The following SLC30A5 variants were observed in gnomAD, a reference collection of about 807,000 sequenced individuals.
The protein encoded by SLC30A5 is solute carrier family 30 member 5.
SLC30A5 carries 33 observed loss-of-function variants against 79.6 expected under a neutral mutation model. The ratio of observed to expected loss-of-function variants is 0.41; its 90% confidence interval spans 0.31 to 0.55. The LOEUF is 0.55. SLC30A5 is among the 20% of genes least tolerant of loss of function. The pLI is 0.20. For synonymous variants in SLC30A5, 299 were observed against 319.7 expected (o/e 0.94, Z 0.69); for missense variants, 788 against 928.1 (o/e 0.85, Z 1.96).
intron 5 of SLC30A5, among the ~76,000 whole-genome samples, chr5:69,110,437 G>T (rs1746201848): frequency 6.6e-6 from 1 of 152,194 alleles, no homozygotes; most frequent in Non-Finnish European, 1.5e-5. Flanking sequence ...ATGCCAAGTA[G>T]AGCAGAGTAA....
chr5:69,117,327 C>T lies in SLC30A5; in HGVS notation c.1370C>T (p.Ser457Phe), dbSNP rs1410836253. The change falls in exon 11 of 16, where the codon TCT (serine) becomes TTT (phenylalanine). Residue 457 changes from serine (S) to phenylalanine (F), a missense_variant. Ser to Phe is a radical substitution (Grantham distance 155). Around this residue, in one of 3 missense-constraint regions of SLC30A5, gnomAD observed 626 missense variants for 755.5 expected, o/e 0.83. Transcript: ENST00000396591. The part of the protein sequence containing the change: ...SDGFHMLFDC[S>F]ALVMGLFAAL... ...GGATTCCACATGCTTTTTGACTGCT[C>T]TGCTTTAGTCATGGGACTTTTTGCT... 1 of 1,613,788 alleles carries T rather than the reference C, an allele frequency of 6.2e-7. No homozygotes were observed. The highest frequency in any genetic ancestry group is 1.3e-5 in the African/African-American group (1 of 74,848).
intron 1 of SLC30A5, among the ~76,000 whole-genome samples, chr5:69,097,395 G>A (rs1435664186): frequency 1.3e-5 from 2 of 152,116 alleles, no homozygotes; most frequent in Non-Finnish European, 2.9e-5. Flanking sequence ...GATTACAGGC[G>A]TGAGCCACTG....
chr5:69,122,745 A>G (rs1746570465), intron 13 of SLC30A5, among the ~76,000 whole-genome samples: 1 of 152,244 alleles, frequency 6.6e-6, no homozygotes, highest in Non-Finnish European at 1.5e-5. Flanking sequence ...ACAGCTGAAT[A>G]GATATTAGTT....
intron 8 of SLC30A5, 40 bp from the exon 9 acceptor site, chr5:69,115,886 T>C: frequency 6.7e-7 from 1 of 1,484,950 alleles, no homozygotes; most frequent in African/African-American, 1.4e-5. Context: ...GTGAACTTTA[T>C]ACATGTATAG....
intron 2 of SLC30A5, among the ~76,000 whole-genome samples, chr5:69,102,050 C>CTTTT (rs758327246): frequency 1.9e-4 from 19 of 99,384 alleles, no homozygotes; most frequent in Non-Finnish European, 2.5e-4. Flanking sequence ...CAGTGACGTG[C>CTTTT]TTTTTTTTTT....
At chr5:69,128,261 T>C (rs918147705) in intron 15 of SLC30A5, 129 bp downstream of exon 15, 4 of 748,744 alleles carry the variant, frequency 5.3e-6, no homozygotes, top group Non-Finnish European at 7.8e-6. Flanking sequence ...TTTTTTTTTT[T>C]TTTTTTTTGA....
At chr5:69,129,382 T>C in intron 15 of SLC30A5, 65 bp from the exon 16 acceptor site, 1 of 1,170,308 alleles carries the variant, frequency 8.5e-7, no homozygotes, top group Non-Finnish European at 1.2e-6. Context: ...ATGTACAGCA[T>C]ATTAAGACGT....
intron 2 of SLC30A5, 113 bp from the exon 3 acceptor site, chr5:69,102,949 G>A (rs1221511157): frequency 3.4e-5 from 18 of 527,832 alleles, no homozygotes; most frequent in Non-Finnish European, 5.1e-5. Context: ...TTTATTCAGA[G>A]GATAACACTT....
intron 2 of SLC30A5, 81 bp downstream of exon 2, chr5:69,101,010 T>G (rs1745901227): frequency 7.5e-7 from 1 of 1,337,744 alleles, no homozygotes; most frequent in South Asian, 1.6e-5. Context: ...TTAAGAAACT[T>G]TACATACAAT....
intron 14 of SLC30A5, among the ~76,000 whole-genome samples, chr5:69,126,709 G>A (rs199720112): frequency 6.6e-6 from 1 of 151,712 alleles, no homozygotes; most frequent in South Asian, 2.1e-4. Flanking sequence ...GGCAGAGGTT[G>A]CAGTGAGCCG....
intron 5 of SLC30A5, among the ~76,000 whole-genome samples, chr5:69,109,601 C>A (rs1343444522): frequency 6.6e-6 from 1 of 152,090 alleles, no homozygotes; most frequent in African/African-American, 2.4e-5. Flanking sequence ...CATTCTTAAC[C>A]CTGTAAATCA....
chr5:69,100,095 G>A (rs1256754935), intron 1 of SLC30A5, among the ~76,000 whole-genome samples: 1 of 151,942 alleles, frequency 6.6e-6, no homozygotes, highest in Non-Finnish European at 1.5e-5. Flanking sequence ...CAGCCTCCCA[G>A]GTGGCTGGAA....
At chr5:69,109,015 A>G (rs1362375919) in intron 5 of SLC30A5, among the ~76,000 whole-genome samples, 1 of 152,152 alleles carries the variant, frequency 6.6e-6, no homozygotes, top group Non-Finnish European at 1.5e-5. Context: ...ATTCCTAGGA[A>G]GTTGCTAAAA....
At chr5:69,129,419 C>T in intron 15 of SLC30A5, 28 bp from the exon 16 acceptor site, 1 of 1,575,146 alleles carries the variant, frequency 6.3e-7, no homozygotes, top group African/African-American at 1.3e-5. Context: ...ACTCTAAATG[C>T]TTCAAAATAT....
At chr5:69,105,059 A>C (rs1407481186) in intron 4 of SLC30A5, among the ~76,000 whole-genome samples, 1 of 152,254 alleles carries the variant, frequency 6.6e-6, no homozygotes, top group Non-Finnish European at 1.5e-5. Context: ...GGTAAATAAA[A>C]TTAGCCAATA....
chr5:69,115,290 A>G lies in SLC30A5; in HGVS notation c.666A>G (p.Thr222=), dbSNP rs1746335995. ...TGTGTTGTAAAGTTGGTTTTCATAC[A>G]GCTTCCAGAAAGCTCTCTGTCGACG... ...LALCCKVGFH[T]ASRKLSVDVG... Residue 222 remains threonine (T), a synonymous_variant, in exon 8 of 16, where the codon ACA becomes ACG. Coordinates refer to ENST00000396591, the MANE Select transcript of SLC30A5 (RefSeq NM_022902.5). 6.2e-7 allele frequency: 1 copy of G among 1,614,076 alleles called. No homozygotes were observed. The highest frequency in any genetic ancestry group is 8.5e-7 in the Non-Finnish European group (1 of 1,179,990).
chr5:69,100,750 GA>G, intron 1 of SLC30A5, 56 bp from the exon 2 acceptor site: 1 of 1,474,312 alleles, frequency 6.8e-7, no homozygotes, highest in Non-Finnish European at 9.4e-7. Flanking sequence ...AAACCAGATT[GA>G]TGAGCTGCTT....
At chr5:69,102,714 G>C (rs1483761985) in intron 2 of SLC30A5, 1 of 153,502 alleles carries the variant, frequency 6.5e-6, no homozygotes, top group Non-Finnish European at 1.4e-5. Context: ...ACGAAAAATT[G>C]GCTGGGCGTG....
chr5:69,117,533 G>A, intron 11 of SLC30A5, 137 bp downstream of exon 11: 1 of 756,386 alleles, frequency 1.3e-6, no homozygotes, highest in Admixed American at 2.9e-5. Context: ...GTAAATAAGG[G>A]GATGTGAATC....
Sources: allele counts gnomAD v4.1 joint callset (sites outside exome capture counted in the v4.1 genomes callset), GRCh38; gene constraint gnomAD v4.1.1; regional missense constraint gnomAD v4.1.1; transcripts MANE v1.5; gene names NCBI Gene and HGNC (gene_info 2026-07-23, HGNC 2026-07-21).